CNTNAP2: variants seen among roughly 807,000 people sequenced by gnomAD.
The protein encoded by CNTNAP2 is contactin associated protein 2.
A neutral mutation model predicts 155.2 loss-of-function variants in CNTNAP2; 98 were observed. That is an observed-to-expected ratio of 0.63 (90% CI 0.54 to 0.75). The LOEUF is 0.75. CNTNAP2 is among the 30% of genes least tolerant of loss of function. The probability of loss-of-function intolerance (pLI) is 0.00; values close to 1 mark genes in which losing one functional copy is unlikely to be tolerated. For missense variants in CNTNAP2, 1,727 were observed against 1,688.1 expected (o/e 1.02, Z -0.40); for synonymous variants, 651 against 631.2 (o/e 1.03, Z -0.47).
intron 1 of CNTNAP2, among the ~76,000 whole-genome samples, chr7:146,522,888 A>G (rs1464134803): frequency 6.6e-6 from 1 of 151,814 alleles, no homozygotes; most frequent in Non-Finnish European, 1.5e-5. Context: ...CAGTTTAGAA[A>G]TGAGTGAGAG....
intron 12 of CNTNAP2, among the ~76,000 whole-genome samples, chr7:147,572,068 C>T (rs1349660609): frequency 6.6e-6 from 1 of 152,224 alleles, no homozygotes; most frequent in Non-Finnish European, 1.5e-5. Context: ...GAATTCAATT[C>T]TGCTCATACA....
Position 146,464,746 on chromosome 7 carries a change from T to A in CNTNAP2, c.98-309525T>A, listed in dbSNP as rs143184000. ...TAAATGAGCAGCCTAGCACCACGCT[T>A]AGCACACTATGTTGGAAAGTCTTAT... On this transcript the variant is annotated intron_variant, in intron 1 of 23. Transcript: ENST00000361727. Among the ~76,000 whole-genome samples the A allele has an allele frequency of 1.9e-3, 291 of 152,254 alleles. 1 individual carries two copies. Among genetic ancestry groups the A allele is most frequent in the African/African-American group, 6.7e-3 (277 of 41,560 alleles).
intron 21 of CNTNAP2, among the ~76,000 whole-genome samples, chr7:148,351,590 A>G (rs1001804975): frequency 1.3e-5 from 2 of 151,644 alleles, no homozygotes; most frequent in African/African-American, 4.8e-5. Context: ...TAAAAATACA[A>G]AAATTAGCTG....
At chr7:146,932,080 C>T (rs561053763) in intron 3 of CNTNAP2, among the ~76,000 whole-genome samples, 1 of 151,668 alleles carries the variant, frequency 6.6e-6, no homozygotes, top group Admixed American at 6.6e-5. Context: ...CTCCCTAACT[C>T]ATTTTATGAG....
chr7:147,131,936 A>G (rs1191448229), intron 7 of CNTNAP2, among the ~76,000 whole-genome samples: 1 of 151,944 alleles, frequency 6.6e-6, no homozygotes, highest in African/African-American at 2.4e-5. Flanking sequence ...AGTCACACCC[A>G]CAACACACAT....
At chr7:146,862,277 A>G (rs1415433337) in intron 3 of CNTNAP2, among the ~76,000 whole-genome samples, 1 of 152,208 alleles carries the variant, frequency 6.6e-6, no homozygotes, top group Non-Finnish European at 1.5e-5. Flanking sequence ...GTTGCATTCC[A>G]AATACGTTCA....
At chr7:147,897,477 T>G (rs142281480) in intron 13 of CNTNAP2, among the ~76,000 whole-genome samples, 2 of 152,206 alleles carry the variant, frequency 1.3e-5, no homozygotes, top group Non-Finnish European at 2.9e-5. Context: ...AAAACAGTGA[T>G]ACTAACCAAA....
At chr7:148,160,830 G>A (rs1477561945) in intron 17 of CNTNAP2, among the ~76,000 whole-genome samples, 1 of 152,046 alleles carries the variant, frequency 6.6e-6, no homozygotes, top group Non-Finnish European at 1.5e-5. Context: ...CTCTAATATT[G>A]TTTGTTCTGG....
intron 1 of CNTNAP2, among the ~76,000 whole-genome samples, chr7:146,423,984 C>A (rs1356914234): frequency 6.6e-6 from 1 of 152,084 alleles, no homozygotes; most frequent in African/African-American, 2.4e-5. Flanking sequence ...TCAGTTAATT[C>A]TTTTGAGTAT....
chr7:148,080,786 G>A (rs935480312), intron 15 of CNTNAP2, among the ~76,000 whole-genome samples: 7 of 152,104 alleles, frequency 4.6e-5, no homozygotes, highest in African/African-American at 1.4e-4. Flanking sequence ...ATAGAGCAGG[G>A]GGGGAAATGT....
chr7:146,930,724 T>A (rs1205846459), intron 3 of CNTNAP2, among the ~76,000 whole-genome samples: 1 of 151,746 alleles, frequency 6.6e-6, no homozygotes, highest in Non-Finnish European at 1.5e-5. Context: ...AGGCTCAAAA[T>A]AAAAGGATGG....
intron 20 of CNTNAP2, among the ~76,000 whole-genome samples, chr7:148,250,704 G>A (rs910482504): frequency 3.9e-5 from 6 of 152,190 alleles, no homozygotes; most frequent in Non-Finnish European, 7.3e-5. Context: ...GGGGAGGCAC[G>A]AGAGATCGGG....
At chr7:147,268,535 C>T (rs912572977) in intron 8 of CNTNAP2, among the ~76,000 whole-genome samples, 11 of 151,974 alleles carry the variant, frequency 7.2e-5, no homozygotes, top group South Asian at 2.1e-4. Context: ...GGGGAGGGAT[C>T]GCGTAAGGAG....
At chr7:148,357,517 A>C (rs760907203) in intron 21 of CNTNAP2, among the ~76,000 whole-genome samples, 2 of 152,188 alleles carry the variant, frequency 1.3e-5, no homozygotes, top group Non-Finnish European at 2.9e-5. Flanking sequence ...TTCAATGATC[A>C]GTTCAGTTGG....
intron 1 of CNTNAP2, among the ~76,000 whole-genome samples, chr7:146,689,079 A>C (rs1800652904): frequency 1.3e-5 from 2 of 152,144 alleles, no homozygotes; most frequent in African/African-American, 4.8e-5. Flanking sequence ...ATCAGAATTT[A>C]GGAGGCATAC....
At chr7:147,988,130 A>G (rs917334785) in intron 15 of CNTNAP2, among the ~76,000 whole-genome samples, 1 of 152,178 alleles carries the variant, frequency 6.6e-6, no homozygotes, top group Non-Finnish European at 1.5e-5. Context: ...GGTGAATTTA[A>G]ATATTTTGTG....
intron 16 of CNTNAP2, among the ~76,000 whole-genome samples, chr7:148,139,707 T>A (rs1396734094): frequency 6.6e-6 from 1 of 152,006 alleles, no homozygotes; most frequent in Non-Finnish European, 1.5e-5. Flanking sequence ...GCCCAGCTAA[T>A]TTTTTGTATT....
At chr7:148,238,922 A>C (rs1796094594) in intron 20 of CNTNAP2, among the ~76,000 whole-genome samples, 1 of 152,224 alleles carries the variant, frequency 6.6e-6, no homozygotes, top group Admixed American at 6.5e-5. Flanking sequence ...CACTCCTAAA[A>C]ATTTTACTAT....
At chr7:148,291,916 T>G (rs1047876630) in intron 21 of CNTNAP2, among the ~76,000 whole-genome samples, 18 of 152,188 alleles carry the variant, frequency 1.2e-4, no homozygotes, top group African/African-American at 4.1e-4. Context: ...AAATCCAGCC[T>G]TTGACATCTC....
Sources: allele counts gnomAD v4.1 joint callset (sites outside exome capture counted in the v4.1 genomes callset), GRCh38; gene constraint gnomAD v4.1.1; transcripts MANE v1.5; gene names NCBI Gene and HGNC (gene_info 2026-07-23, HGNC 2026-07-21).